The following B3GALT1 variants were observed in gnomAD, a reference collection of about 807,000 sequenced individuals.
B3GALT1 encodes the protein beta-1,3-galactosyltransferase 1.
B3GALT1 carries 10 observed loss-of-function variants against 23.2 expected under a neutral mutation model. That is an observed-to-expected ratio of 0.43 (90% CI 0.27 to 0.73). B3GALT1 has a LOEUF of 0.73. Ranked by LOEUF, B3GALT1 falls within the 30% of genes least tolerant of loss-of-function variation. The probability of loss-of-function intolerance (pLI) is 0.21; values close to 1 mark genes in which losing one functional copy is unlikely to be tolerated. For missense variants in B3GALT1, 299 were observed against 405.4 expected (o/e 0.74, Z 2.25); for synonymous variants, 156 against 141.5 (o/e 1.10, Z -0.73).
Position 167,869,148 on chromosome 2 carries a change from C to T in B3GALT1, c.109C>T (p.Pro37Ser). 6.2e-7 allele frequency: 1 copy of T among 1,614,192 alleles called. No individual in the cohort carries two copies. The highest frequency in any genetic ancestry group is 8.5e-7 in the Non-Finnish European group (1 of 1,180,036). The change falls in exon 5 of 5, where the codon CCA becomes TCA. Residue 37 changes from proline (P) to serine (S), a missense_variant. Transcript: ENST00000392690. This position sits in a 1 kb window ranked among gnomAD's most constrained non-coding sequence, Gnocchi z 6.4. ...TACTTCTTCTTACACTGGCTCCAAA[C>T]CATTCAGCCACCTAACAGTTGCCAG... ...RPTSSYTGSK[P>S]FSHLTVARKN...
At chr2:167,666,806 G>A (rs1232712128) in intron 3 of B3GALT1, among the ~76,000 whole-genome samples, 1 of 152,082 alleles carries the variant, frequency 6.6e-6, no homozygotes, top group Non-Finnish European at 1.5e-5. Flanking sequence ...TTGCTTGGTA[G>A]ATCTTCCTCC....
At chr2:167,862,935 T>C (rs1690132971) in intron 4 of B3GALT1, 1 of 152,136 alleles carries the variant, frequency 6.6e-6, no homozygotes, top group South Asian at 2.1e-4. Flanking sequence ...GAAAAAGTCT[T>C]TCGAGTGTTC....
At chr2:167,324,285 T>C (rs2105495112) in intron 1 of B3GALT1, among the ~76,000 whole-genome samples, 1 of 152,132 alleles carries the variant, frequency 6.6e-6, no homozygotes, top group East Asian at 1.9e-4. Context: ...AAATTTATAA[T>C]AATATTTATT....
intron 2 of B3GALT1, among the ~76,000 whole-genome samples, chr2:167,633,867 T>G (rs190711730): frequency 6.6e-6 from 1 of 152,234 alleles, no homozygotes; most frequent in African/African-American, 2.4e-5. Flanking sequence ...TACAGAACTC[T>G]CCACCTCAGA....
intron 4 of B3GALT1, among the ~76,000 whole-genome samples, chr2:167,826,442 C>T (rs141718911): frequency 1.3e-5 from 2 of 152,338 alleles, no homozygotes; most frequent in East Asian, 3.9e-4. Flanking sequence ...GTGGGCTAGA[C>T]TCAATTCCCT....
chr2:167,873,139 CAA>C lies in B3GALT1; in HGVS notation c.*3120_*3121del, dbSNP rs1553499092. On this transcript the variant is annotated 3_prime_UTR_variant, in exon 5 of 5. Transcript: ENST00000392690. ...TGCAATGTTTTAGACAGTATTCTAC[CAA>C]GAGTCTCTCAGACAATTTTTACAAA... The C allele has an allele frequency of 6.6e-6, 1 of 151,788 alleles. No homozygotes were observed. The highest frequency in any genetic ancestry group is 1.5e-5 in the Non-Finnish European group (1 of 68,020). The allele number at this position is 151,788 out of a possible 1,614,324, so 9.4% of individuals were successfully genotyped here.
intron 3 of B3GALT1, among the ~76,000 whole-genome samples, chr2:167,784,032 A>G (rs965317996): frequency 1.3e-5 from 2 of 152,224 alleles, no homozygotes; most frequent in African/African-American, 4.8e-5. Flanking sequence ...AGGAATTTGA[A>G]TCTGGGAATG....
intron 1 of B3GALT1, among the ~76,000 whole-genome samples, chr2:167,300,096 G>GTATTTTTA (rs1450986375): frequency 2.0e-5 from 3 of 151,986 alleles, no homozygotes; most frequent in African/African-American, 7.2e-5. Flanking sequence ...GTAGATACGG[G>GTATTTTTA]GTTTCACCAT....
At chr2:167,394,196 C>T (rs1265920403) in intron 1 of B3GALT1, among the ~76,000 whole-genome samples, 1 of 152,130 alleles carries the variant, frequency 6.6e-6, no homozygotes, top group African/African-American at 2.4e-5. Flanking sequence ...TTCTATAAAA[C>T]ACAAATTTCT....
In B3GALT1 at chr2:167,566,563, CA is replaced by C. The variant is rs1684173957; in HGVS notation, c.-410+76290del. Among the ~76,000 whole-genome samples the C allele has an allele frequency of 2.0e-5, 3 of 146,600 alleles. No homozygotes were observed. In the South Asian group the frequency reaches 6.5e-4, roughly 32 times the overall value. ...TCAAAATAAACTTTAAAAAAAAAGA[CA>C]AAATAAAAAAGAATAACGTAGTCCA... On this transcript the variant is annotated intron_variant, in intron 2 of 4. Transcript: ENST00000392690.
intron 3 of B3GALT1, among the ~76,000 whole-genome samples, chr2:167,670,599 A>C (rs1686307523): frequency 6.6e-6 from 1 of 152,234 alleles, no homozygotes; most frequent in Non-Finnish European, 1.5e-5. Context: ...CAAGTAGTTC[A>C]AAATAATTGT....
chr2:167,838,869 C>T (rs1191598715), intron 4 of B3GALT1, among the ~76,000 whole-genome samples: 1 of 152,142 alleles, frequency 6.6e-6, no homozygotes, highest in African/African-American at 2.4e-5. Context: ...AAGGCTGGTT[C>T]AATATACGCA....
At chr2:167,599,963 A>C (rs935360510) in intron 2 of B3GALT1, among the ~76,000 whole-genome samples, 1 of 152,194 alleles carries the variant, frequency 6.6e-6, no homozygotes. Context: ...CATTTATCAT[A>C]TTTTTATCTG....
intron 2 of B3GALT1, among the ~76,000 whole-genome samples, chr2:167,525,519 A>G (rs1010036836): frequency 4.6e-5 from 7 of 152,022 alleles, no homozygotes; most frequent in African/African-American, 1.7e-4. Flanking sequence ...TTATATTGCT[A>G]TGGACTTACG....
chr2:167,409,125 T>G (rs1447022376), intron 1 of B3GALT1, among the ~76,000 whole-genome samples: 1 of 152,166 alleles, frequency 6.6e-6, no homozygotes, highest in Non-Finnish European at 1.5e-5. Context: ...TTGTTTTAGG[T>G]AAATATAAAA....
At chr2:167,386,761 AG>A (rs1697934790) in intron 1 of B3GALT1, among the ~76,000 whole-genome samples, 1 of 152,216 alleles carries the variant, frequency 6.6e-6, no homozygotes, top group South Asian at 2.1e-4. Flanking sequence ...CTTATTGTAA[AG>A]TATCCTTCCG....
In B3GALT1 at chr2:167,576,302, A is replaced by G. The variant is rs147464810; in HGVS notation, c.-409-70607A>G. Among the ~76,000 whole-genome samples, 808 of 151,866 alleles carry G rather than the reference A, an allele frequency of 5.3e-3. 5 individuals carry two copies. Among genetic ancestry groups the G allele is most frequent in the African/African-American group, 0.018 (740 of 41,518 alleles). On this transcript the variant is annotated intron_variant, in intron 2 of 4. Coordinates refer to ENST00000392690, the MANE Select transcript of B3GALT1 (RefSeq NM_020981.4). ...CAAAATGTCAAAACTTACCTCAAAAATATTTTTCTGATCACAGAAATATTG... is the reference window on the plus strand; with the variant it reads ...CAAAATGTCAAAACTTACCTCAAAAGTATTTTTCTGATCACAGAAATATTG...
intron 3 of B3GALT1, among the ~76,000 whole-genome samples, chr2:167,701,844 A>G (rs142297612): frequency 2.7e-4 from 41 of 152,302 alleles, no homozygotes; most frequent in African/African-American, 9.1e-4. Context: ...AACATGCTAC[A>G]TCAAGCGTCT....
At chr2:167,408,135 C>T (rs545887041) in intron 1 of B3GALT1, among the ~76,000 whole-genome samples, 1 of 151,144 alleles carries the variant, frequency 6.6e-6, no homozygotes, top group South Asian at 2.1e-4. Context: ...CAACAAAATG[C>T]TAGCAAACTA....
Sources: allele counts gnomAD v4.1 joint callset (sites outside exome capture counted in the v4.1 genomes callset), GRCh38; gene constraint gnomAD v4.1.1; non-coding constraint Gnocchi (gnomAD v3.1); transcripts MANE v1.5; gene names NCBI Gene and HGNC (gene_info 2026-07-23, HGNC 2026-07-21).